DYNC2I1: variants seen among roughly 807,000 people sequenced by gnomAD.
DYNC2I1 encodes the protein dynein 2 intermediate chain 1, also known as cytoplasmic dynein 2 intermediate chain 1.
DYNC2I1 carries 89 observed loss-of-function variants against 133.4 expected under a neutral mutation model. The ratio of observed to expected loss-of-function variants is 0.67; its 90% confidence interval spans 0.56 to 0.80. The LOEUF (loss-of-function observed/expected upper bound fraction) is 0.80, where lower values mean the gene tolerates loss of function less well. Ranked by LOEUF, DYNC2I1 falls within the 30% of genes least tolerant of loss-of-function variation. DYNC2I1 has a pLI of 0.00. For synonymous variants in DYNC2I1, 504 were observed against 484.3 expected, an observed-to-expected ratio of 1.04 and a Z score of -0.54; for missense variants, 1,291 against 1,314.5, an observed-to-expected ratio of 0.98 and a Z score of 0.28.
chr7:158,842,112 T>G, the DYNC2I1 span, among the ~76,000 whole-genome samples: 4 of 152,212 alleles, frequency 2.6e-5, no homozygotes, highest in African/African-American at 9.6e-5. Flanking sequence ...CACTGCAAGC[T>G]CCGCCTCCAG....
chr7:158,847,512 C>T, the DYNC2I1 span, among the ~76,000 whole-genome samples: 1 of 152,138 alleles, frequency 6.6e-6, no homozygotes, highest in Non-Finnish European at 1.5e-5. Flanking sequence ...TAAGGAGCTG[C>T]AGCTGGGCTA....
chr7:158,906,063 A>G lies in DYNC2I1; in HGVS notation c.1432A>G (p.Lys478Glu), dbSNP rs778117019. 1 of 1,613,822 alleles carries G rather than the reference A, an allele frequency of 6.2e-7. No individual in the cohort carries two copies. The highest frequency in any genetic ancestry group is 1.1e-5 in the South Asian group (1 of 91,004). Residue 478 changes from lysine (K) to glutamate (E), a missense_variant, in exon 11 of 25, where the codon AAG (lysine) becomes GAG (glutamate). Coordinates refer to ENST00000407559, the MANE Select transcript of DYNC2I1 (RefSeq NM_018051.5). ...VDFASASHRQ[K>E]SRTQALKQKM... ...TTTTGCCTCAGCTTCACACCGTCAA[A>G]AGAGTCGGACTCAGGCCCTTAAGCA...
At chr7:158,843,091 CTTTTTTTG>C in the DYNC2I1 span, among the ~76,000 whole-genome samples, 1 of 152,118 alleles carries the variant, frequency 6.6e-6, no homozygotes, top group African/African-American at 2.4e-5. Context: ...TGAAGATTGG[CTTTTTTTG>C]TTTGTTTGTT....
At chr7:158,926,584 A>AAGCCCAGTCTTGCTCT in intron 19 of DYNC2I1, 121 bp downstream of exon 19, 1 of 1,133,928 alleles carries the variant, frequency 8.8e-7, no homozygotes, top group Non-Finnish European at 1.3e-6. Context: ...GGAGAGCAAG[A>AAGCCCAGTCTTGCTCT]CTGGGCTTCT....
At chr7:158,885,368 G>A (rs1844495012) in intron 6 of DYNC2I1, among the ~76,000 whole-genome samples, 2 of 149,422 alleles carry the variant, frequency 1.3e-5, no homozygotes, top group Non-Finnish European at 3.0e-5. Context: ...TTGAGACAGA[G>A]TCTCACTTTG....
rs1300526015 is a variant in DYNC2I1 at position 158,883,768 on chromosome 7, A to G, written c.880-796A>G. Among the ~76,000 whole-genome samples, 8 of 135,758 alleles carry G rather than the reference A, an allele frequency of 5.9e-5. No homozygotes were observed. The East Asian group carries it at 1.1e-3, about 19-fold the overall frequency. The allele number at this position is 135,758 out of a possible 152,430, so 89.1% of individuals were successfully genotyped here. A position where few individuals can be genotyped will look rare whatever the true frequency, so the allele number is the denominator to read the frequency against. Reference sequence around the variant, plus strand: ...AAGCTCCGCCTCCCGGGTTCACGCCATTCTCCTGCCTCAGCCTCCCGAGTA... The same window carrying G: ...AAGCTCCGCCTCCCGGGTTCACGCCGTTCTCCTGCCTCAGCCTCCCGAGTA... On this transcript the variant is annotated intron_variant, in intron 5 of 24. Coordinates refer to ENST00000407559, the MANE Select transcript of DYNC2I1 (RefSeq NM_018051.5).
intron 8 of DYNC2I1, 33 bp from the exon 9 acceptor site, chr7:158,901,706 T>G: frequency 7.2e-7 from 1 of 1,395,868 alleles, no homozygotes; most frequent in South Asian, 1.3e-5. Context: ...TATGATTGAA[T>G]TTTTTGGTTT....
In DYNC2I1 at chr7:158,876,610, A is replaced by T; in HGVS notation, c.492A>T (p.Val164=). Residue 164 remains valine, a splice_region_variant and synonymous_variant, in exon 4 of 25, where the codon GTA becomes GTT. Transcript: ENST00000407559. ...AAAAATATGTTTTACTTCTTGTAGT[A>T]AGTAAAGTAAGAAGTGAAGAGAAAG... ...LERAERKGRS[V]SKVRSEEKDE... is the part of the protein sequence containing the mutation. 3.2e-6 allele frequency: 5 copies of T among 1,566,952 alleles called. No homozygotes were observed. Among genetic ancestry groups the T allele is most frequent in the Non-Finnish European group, 4.3e-6 (5 of 1,164,386 alleles).
intron 17 of DYNC2I1, among the ~76,000 whole-genome samples, chr7:158,925,307 T>A (rs545260408): frequency 7.1e-4 from 108 of 152,312 alleles, no homozygotes; most frequent in Admixed American, 1.2e-3. Context: ...CAATCCCAGT[T>A]CTCATTTCAT....
downstream of DYNC2I1, among the ~76,000 whole-genome samples, chr7:158,947,009 A>G (rs931692784): frequency 7.9e-5 from 12 of 152,212 alleles, no homozygotes; most frequent in African/African-American, 2.9e-4. Context: ...CACCCGAGCA[A>G]CCGCCAGCCT....
intron 6 of DYNC2I1, among the ~76,000 whole-genome samples, chr7:158,886,032 CATATTAT>C (rs1472850468): frequency 6.7e-6 from 1 of 148,488 alleles, no homozygotes; most frequent in East Asian, 1.9e-4. Context: ...TTTTATATTA[CATATTAT>C]ATAACATATT....
At chr7:158,937,977 A>G (rs1850938523) in intron 23 of DYNC2I1, among the ~76,000 whole-genome samples, 1 of 152,216 alleles carries the variant, frequency 6.6e-6, no homozygotes, top group Non-Finnish European at 1.5e-5. Context: ...TACAAGACAG[A>G]AAATAACCAC....
In DYNC2I1 at chr7:158,945,208, A is replaced by C. The variant is rs1851757803; in HGVS notation, c.3003-373A>C. ...TGGAGACGCAGACTTGTGAGTCCTG[A>C]CACTCAGCTGTGGGTGAGATCCAGG... On this transcript the variant is annotated intron_variant, in intron 24 of 24. Coordinates refer to ENST00000407559, the MANE Select transcript of DYNC2I1 (RefSeq NM_018051.5). This position sits in a 1 kb window ranked among gnomAD's most constrained non-coding sequence, Gnocchi z 4.1. 6.6e-6 allele frequency among the ~76,000 whole-genome samples: 1 copy of C among 152,038 alleles called. No homozygotes were observed. The highest frequency in any genetic ancestry group is 1.5e-5 in the Non-Finnish European group (1 of 68,012).
At chr7:158,943,904 G>A (rs1390318162) in intron 24 of DYNC2I1, among the ~76,000 whole-genome samples, 2 of 152,132 alleles carry the variant, frequency 1.3e-5, no homozygotes, top group East Asian at 1.9e-4. Flanking sequence ...GGAAGGAGGC[G>A]GCAGCCCGGC....
chr7:158,934,476 C>T lies in DYNC2I1; in HGVS notation c.2705C>T (p.Pro902Leu). ...DLRVAPKLFK[P>L]QQHGIRPVKV... is the part of the protein sequence containing the mutation. ...AGAGTGGCTCCCAAACTATTCAAAC[C>T]TCAGCAACATGGTATAAGACCAGTG... Residue 902 changes from proline (P) to leucine (L), a missense_variant, in exon 23 of 25, where the codon CCT (proline) becomes CTT (leucine). Pro to Leu is a moderately conservative substitution (Grantham distance 98). Transcript: ENST00000407559. 3 of 1,587,660 alleles carry T rather than the reference C, an allele frequency of 1.9e-6. No homozygotes were observed. Among genetic ancestry groups the T allele is most frequent in the Non-Finnish European group, 2.6e-6 (3 of 1,166,170 alleles).
intron 1 of DYNC2I1, among the ~76,000 whole-genome samples, chr7:158,867,079 A>G (rs997381876): frequency 1.4e-5 from 2 of 148,146 alleles, no homozygotes; most frequent in African/African-American, 2.5e-5. Context: ...ACCTTTAAGG[A>G]AGTGTTTCTC....
Position 158,879,782 on chromosome 7 carries a change from C to T in DYNC2I1, c.672C>T (p.Asp224=), listed in dbSNP as rs199667516. The change falls in exon 5 of 25, where the codon GAC becomes GAT. Residue 224 remains aspartate, a synonymous_variant. Transcript: ENST00000407559. ...GGAAGCCCAGAGAGCCAGATCGAGACAACAAACACCGAGAAAAAAGCAGCA... is the reference window on the plus strand; with the variant it reads ...GGAAGCCCAGAGAGCCAGATCGAGATAACAAACACCGAGAAAAAAGCAGCA... ...RHRKPREPDR[D]NKHREKSSTR... The T allele has an allele frequency of 4.7e-5, 75 of 1,611,772 alleles. No homozygotes were observed. In the East Asian group the frequency reaches 1.3e-3, roughly 28 times the overall value.
intron 8 of DYNC2I1, among the ~76,000 whole-genome samples, chr7:158,894,048 G>A (rs1022023760): frequency 1.4e-5 from 2 of 144,144 alleles, no homozygotes; most frequent in Non-Finnish European, 3.1e-5. Flanking sequence ...ACCACATATT[G>A]TAACACATGT....
rs529708962 is a variant in DYNC2I1 at position 158,953,100 on chromosome 7, C to T, written c.*57-3483C>T. On this transcript the variant is annotated intron_variant and NMD_transcript_variant, in intron 4 of 4. Coordinates refer to the DYNC2I1 transcript ENST00000454771. ...AGACCCTGGTGGGAATTCTCAGCAC[C>T]TGTAGCTGTTCCTACCCTCCTCGCC... Among the ~76,000 whole-genome samples, 75 of 152,298 alleles carry T rather than the reference C, an allele frequency of 4.9e-4. 1 individual carries two copies. Among genetic ancestry groups the T allele is most frequent in the African/African-American group, 1.8e-3 (75 of 41,570 alleles).
Sources: allele counts gnomAD v4.1 joint callset (sites outside exome capture counted in the v4.1 genomes callset), GRCh38; gene constraint gnomAD v4.1.1; non-coding constraint Gnocchi (gnomAD v3.1); transcripts MANE v1.5; gene names NCBI Gene and HGNC (gene_info 2026-07-23, HGNC 2026-07-21).